The following DNAH9 variants were observed in gnomAD, a reference collection of about 807,000 sequenced individuals.
The protein encoded by DNAH9 is DNAH9 variant protein.
DNAH9 carries 345 observed loss-of-function variants against 471.6 expected under a neutral mutation model. The ratio of observed to expected loss-of-function variants is 0.73; its 90% CI spans 0.67 to 0.80. The LOEUF (loss-of-function observed/expected upper bound fraction) is 0.80, where lower values mean the gene tolerates loss of function less well. Among genes scored for constraint, DNAH9 ranks in the 30% least tolerant of loss-of-function variants. DNAH9 has a pLI of 0.00. For synonymous variants in DNAH9, 2,093 were observed against 2,123.6 expected (o/e 0.99, Z 0.40); for missense variants, 5,407 against 5,609.2 (o/e 0.96, Z 1.15).
intron 50 of DNAH9, among the ~76,000 whole-genome samples, chr17:11,859,183 C>G (rs1440455079): frequency 6.6e-6 from 1 of 151,198 alleles, no homozygotes; most frequent in African/African-American, 2.4e-5. Context: ...GAGGCTGAGA[C>G]AGGTGTATCA....
intron 49 of DNAH9, among the ~76,000 whole-genome samples, chr17:11,840,004 A>G (rs766118020): frequency 3.4e-4 from 52 of 152,298 alleles, no homozygotes; most frequent in Middle Eastern, 3.4e-3. Context: ...ACAGTATACA[A>G]AGGCTTCTCA....
chr17:11,654,376 A>AAAAAAAAAAAAAAAAAT (rs2073589235), intron 14 of DNAH9, among the ~76,000 whole-genome samples: 1 of 143,344 alleles, frequency 7.0e-6, no homozygotes, highest in African/African-American at 2.5e-5. Flanking sequence ...AAAAAAAAAA[A>AAAAAAAAAAAAAAAAAT]AAGTTTAAAA....
At chr17:11,893,750 T>TA (rs1422868789) in intron 58 of DNAH9, among the ~76,000 whole-genome samples, 28 of 151,974 alleles carry the variant, frequency 1.8e-4, no homozygotes, top group Admixed American at 1.8e-3. Context: ...TTAGGACAAA[T>TA]ACCTAAGGCA....
chr17:11,888,998 G>C (rs184227011), intron 57 of DNAH9, among the ~76,000 whole-genome samples: 21 of 152,312 alleles, frequency 1.4e-4, no homozygotes, highest in African/African-American at 5.1e-4. Flanking sequence ...CAACAGCCAG[G>C]TTTTGAACTT....
chr17:11,887,319 T>C (rs542786929), intron 57 of DNAH9, among the ~76,000 whole-genome samples: 1 of 152,220 alleles, frequency 6.6e-6, no homozygotes, highest in Admixed American at 6.5e-5. Flanking sequence ...GCTTAAAATA[T>C]AATAGACAAT....
chr17:11,945,938 C>A (rs1162714510), intron 67 of DNAH9, among the ~76,000 whole-genome samples: 1 of 151,906 alleles, frequency 6.6e-6, no homozygotes, highest in Admixed American at 6.6e-5. Flanking sequence ...TGGTGGGCAC[C>A]TGGTAGTCTC....
intron 61 of DNAH9, among the ~76,000 whole-genome samples, chr17:11,921,999 T>C (rs1458890707): frequency 6.6e-6 from 1 of 152,226 alleles, no homozygotes; most frequent in Non-Finnish European, 1.5e-5. Context: ...ACACTTTTTA[T>C]CCTGGTATTT....
Position 11,784,453 on chromosome 17 carries a change from C to T in DNAH9, c.7975C>T (p.His2659Tyr). 6.2e-7 allele frequency: 1 copy of T among 1,614,208 alleles called. No homozygotes were observed. Among genetic ancestry groups the T allele is most frequent in the East Asian group, 2.2e-5 (1 of 44,874 alleles). ...PPLIDLALAF[H>Y]QKIATTFLPT... The stretch of plus-strand genomic sequence containing the variant: ...ACTGATCGATCTGGCCCTCGCCTTC[C>T]ACCAGAAAATTGCTACCACCTTCCT... The change falls in exon 41 of 69, where the codon CAC becomes TAC. Residue 2659 changes from histidine (H) to tyrosine (Y), a missense_variant. Coordinates refer to ENST00000262442, the MANE Select transcript of DNAH9 (RefSeq NM_001372.4).
chr17:11,945,129 C>T (rs1296106936), intron 67 of DNAH9, among the ~76,000 whole-genome samples: 1 of 152,210 alleles, frequency 6.6e-6, no homozygotes, highest in African/African-American at 2.4e-5. Context: ...GCTCCGAGCT[C>T]TTCCCAGAAC....
intron 1 of DNAH9, among the ~76,000 whole-genome samples, chr17:11,600,587 C>T (rs2150622537): frequency 1.3e-5 from 2 of 152,292 alleles, no homozygotes; most frequent in South Asian, 4.1e-4. Context: ...GACTGGGTGA[C>T]TGAATTATGG....
chr17:11,652,303 T>TTTTTG (rs1244404705), intron 13 of DNAH9, among the ~76,000 whole-genome samples: 2 of 146,114 alleles, frequency 1.4e-5, no homozygotes, highest in African/African-American at 5.1e-5. Flanking sequence ...TTTTTTTTTT[T>TTTTTG]GAGACAGAGT....
At chr17:11,883,515 A>C in intron 55 of DNAH9, 71 bp from the exon 56 acceptor site, 3 of 1,562,166 alleles carry the variant, frequency 1.9e-6, no homozygotes, top group Non-Finnish European at 2.6e-6. Context: ...CTCTCGCCCT[A>C]TTCAGACACA....
chr17:11,957,341 C>T lies in DNAH9; in HGVS notation c.12844-4526C>T, dbSNP rs1975698342. On this transcript the variant is annotated intron_variant, in intron 67 of 68. Coordinates refer to ENST00000262442, the MANE Select transcript of DNAH9 (RefSeq NM_001372.4). ...ACAACATTTAAGGATTAAATAATAC[C>T]AATTTTACATAAACTCTTCTACTTC... Among the ~76,000 whole-genome samples the T allele has an allele frequency of 2.0e-5, 3 of 152,056 alleles. No homozygotes were observed. In the South Asian group the frequency reaches 6.2e-4, roughly 32 times the overall value.
At chr17:11,735,513 G>C (rs550411781) in intron 28 of DNAH9, among the ~76,000 whole-genome samples, 1 of 152,060 alleles carries the variant, frequency 6.6e-6, no homozygotes, top group East Asian at 1.9e-4. Context: ...TCGGCTCACT[G>C]CCACCTCTGC....
In DNAH9 at chr17:11,917,627, C is replaced by T. The variant is rs1456787259; in HGVS notation, c.11750-6187C>T. Among the ~76,000 whole-genome samples, 4 of 152,324 alleles carry T rather than the reference C, an allele frequency of 2.6e-5. No homozygotes were observed. In the East Asian group the frequency reaches 7.7e-4, roughly 29 times the overall value. ...ATTTGCTTGTTTATTTCTGCTTTTG[C>T]TTCATCTACTTCCCCCTTGTTCTCA... On this transcript the variant is annotated intron_variant, in intron 61 of 68. Coordinates refer to ENST00000262442, the MANE Select transcript of DNAH9 (RefSeq NM_001372.4).
intron 14 of DNAH9, among the ~76,000 whole-genome samples, chr17:11,657,591 C>A (rs1311666298): frequency 6.6e-6 from 1 of 151,926 alleles, no homozygotes. Flanking sequence ...GTGGTTAGTA[C>A]TTTTGAGTCC....
chr17:11,806,560 A>G (rs1336613179), intron 43 of DNAH9, among the ~76,000 whole-genome samples: 1 of 151,962 alleles, frequency 6.6e-6, no homozygotes, highest in African/African-American at 2.4e-5. Context: ...ATATTGCTAA[A>G]TGAAAAAAAA....
intron 43 of DNAH9, among the ~76,000 whole-genome samples, chr17:11,800,641 C>T (rs1182059215): frequency 6.6e-6 from 1 of 152,138 alleles, no homozygotes; most frequent in African/African-American, 2.4e-5. Context: ...AGCCCTTGAA[C>T]AAAGCAGTGC....
intron 45 of DNAH9, among the ~76,000 whole-genome samples, chr17:11,812,880 AG>A (rs552570854): frequency 6.6e-6 from 1 of 152,338 alleles, no homozygotes; most frequent in East Asian, 1.9e-4. Flanking sequence ...TAATGAGAGA[AG>A]GATCCAACTT....
Sources: gnomAD v4.1 joint callset for allele counts (sites outside exome capture counted in the v4.1 genomes callset) on GRCh38, gnomAD v4.1.1 for gene constraint, MANE v1.5 for transcripts, NCBI Gene and HGNC (gene_info 2026-07-23, HGNC 2026-07-21) for gene names.